The following CLSTN2 variants were observed in gnomAD, a reference collection of about 807,000 sequenced individuals.
CLSTN2 encodes the protein calsyntenin 2, also known as calsyntenin-2.
In CLSTN2, 48 loss-of-function variants were observed where a neutral mutation model predicts 101.2. The observed-to-expected ratio is 0.47, with a 90% CI of 0.38 to 0.60. The LOEUF (loss-of-function observed/expected upper bound fraction) is 0.60, where lower values mean the gene tolerates loss of function less well. Among genes scored for constraint, CLSTN2 ranks in the 20% least tolerant of loss-of-function variants. The probability of loss-of-function intolerance (pLI) is 0.00; values close to 1 mark genes in which losing one functional copy is unlikely to be tolerated. For missense variants in CLSTN2, 1,160 were observed against 1,238.2 expected, an observed-to-expected ratio of 0.94 and a Z score of 0.95; for synonymous variants, 481 against 463.6, an observed-to-expected ratio of 1.04 and a Z score of -0.48.
At chr3:139,988,919 C>T (rs528802114) in intron 1 of CLSTN2, among the ~76,000 whole-genome samples, 5 of 152,150 alleles carry the variant, frequency 3.3e-5, no homozygotes, top group South Asian at 4.2e-4. Flanking sequence ...CCCAGTAAGC[C>T]GAAGGACAGA....
intron 4 of CLSTN2, among the ~76,000 whole-genome samples, chr3:140,411,440 A>G (rs1323409349): frequency 6.6e-6 from 1 of 152,280 alleles, no homozygotes; most frequent in Non-Finnish European, 1.5e-5. Context: ...AAATATGAAC[A>G]AATCTGAAGG....
At chr3:140,107,084 G>T (rs965556692) in intron 1 of CLSTN2, among the ~76,000 whole-genome samples, 1 of 152,130 alleles carries the variant, frequency 6.6e-6, no homozygotes, top group African/African-American at 2.4e-5. Context: ...GTGAATGCTG[G>T]TACAGCTGAA....
At chr3:140,405,506 C>T (rs931653788) in intron 4 of CLSTN2, among the ~76,000 whole-genome samples, 36 of 152,254 alleles carry the variant, frequency 2.4e-4, no homozygotes, top group Non-Finnish European at 2.6e-4. Flanking sequence ...GGATTACAGG[C>T]GTGAGCCACT....
chr3:140,033,727 T>G (rs2007603063), intron 1 of CLSTN2, among the ~76,000 whole-genome samples: 1 of 152,238 alleles, frequency 6.6e-6, no homozygotes. Context: ...GAAATTGTGC[T>G]TTATGTAAGT....
chr3:139,995,654 G>A (rs1936190327), intron 1 of CLSTN2, among the ~76,000 whole-genome samples: 1 of 152,146 alleles, frequency 6.6e-6, no homozygotes, highest in African/African-American at 2.4e-5. Flanking sequence ...GTCTTGGCAG[G>A]TCCATTGTTG....
intron 2 of CLSTN2, among the ~76,000 whole-genome samples, chr3:140,394,221 T>TAGG (rs35521290): frequency 0.7 from 106,992 of 151,804 alleles, 39,170 homozygotes; most frequent in Non-Finnish European, 0.81. Context: ...ATGATGACCA[T>TAGG]AGGACAATGG....
At chr3:140,194,892 C>G (rs1365394122) in intron 2 of CLSTN2, among the ~76,000 whole-genome samples, 2 of 152,234 alleles carry the variant, frequency 1.3e-5, no homozygotes, top group Admixed American at 6.5e-5. Context: ...TCTGATACAA[C>G]CCCAGTGGGG....
At chr3:140,254,553 C>G (rs982053918) in intron 2 of CLSTN2, among the ~76,000 whole-genome samples, 1 of 152,132 alleles carries the variant, frequency 6.6e-6, no homozygotes, top group Non-Finnish European at 1.5e-5. Flanking sequence ...GTCCTCATCT[C>G]TGTCATCTCT....
At chr3:140,025,645 G>T (rs1331284677) in intron 1 of CLSTN2, among the ~76,000 whole-genome samples, 2 of 152,184 alleles carry the variant, frequency 1.3e-5, no homozygotes, top group African/African-American at 4.8e-5. Flanking sequence ...AGAGGAGAGA[G>T]AGAGATGACA....
At chr3:140,414,004 A>G (rs1357714955) in intron 4 of CLSTN2, among the ~76,000 whole-genome samples, 34 of 152,082 alleles carry the variant, frequency 2.2e-4, no homozygotes, top group Non-Finnish European at 1.5e-5. Context: ...AAAGATGCTC[A>G]CTCTTGACAC....
chr3:139,952,548 G>T (rs139742799), intron 1 of CLSTN2, among the ~76,000 whole-genome samples: 2 of 152,256 alleles, frequency 1.3e-5, no homozygotes, highest in Non-Finnish European at 2.9e-5. Context: ...TTGCTGAAAT[G>T]GTTGAGCTTA....
rs2009958213 is a variant in CLSTN2, at chr3:140,156,629, A to C, written c.110-19322A>C. Among the ~76,000 whole-genome samples the C allele has an allele frequency of 1.3e-5, 2 of 152,154 alleles. 1 individual carries two copies. The highest frequency in any genetic ancestry group is 1.3e-4 in the Admixed American group (2 of 15,274). On this transcript the variant is annotated intron_variant, in intron 1 of 16. Transcript: ENST00000458420. ...TCTGAGCCAGTGACTGAGTGTGGGGATACTGAGGCATACTAAAGCAGACCT... is the reference window on the plus strand; with the variant it reads ...TCTGAGCCAGTGACTGAGTGTGGGGCTACTGAGGCATACTAAAGCAGACCT...
At chr3:140,282,144 C>T (rs1219672682) in intron 2 of CLSTN2, among the ~76,000 whole-genome samples, 1 of 152,184 alleles carries the variant, frequency 6.6e-6, no homozygotes, top group Non-Finnish European at 1.5e-5. Context: ...TCTGCTTACA[C>T]TGCTTACATG....
intron 2 of CLSTN2, among the ~76,000 whole-genome samples, chr3:140,392,996 T>C (rs1015010371): frequency 2.0e-5 from 3 of 152,106 alleles, no homozygotes. Context: ...CATTCAAGTC[T>C]CTTTTCTTCT....
chr3:140,503,777 G>T lies in CLSTN2; in HGVS notation c.1345-28547G>T, dbSNP rs1427434887. On this transcript the variant is annotated intron_variant, in intron 8 of 16. Transcript: ENST00000458420. ...CAACAGTTAAAGACAGCAGAAAAAAGAATTTTTCTTGATTCGGCTATAGCC... is the reference window on the plus strand; with the variant it reads ...CAACAGTTAAAGACAGCAGAAAAAATAATTTTTCTTGATTCGGCTATAGCC... Among the ~76,000 whole-genome samples, 4 of 152,222 alleles carry T rather than the reference G, an allele frequency of 2.6e-5. No homozygotes were observed. The East Asian group carries it at 5.8e-4, about 22-fold the overall frequency.
intron 2 of CLSTN2, among the ~76,000 whole-genome samples, chr3:140,253,319 C>T (rs72990139): frequency 0.031 from 4,693 of 152,138 alleles, 153 homozygotes; most frequent in African/African-American, 0.074. Flanking sequence ...TCCATGGCTC[C>T]GAAGGTGGAC....
At position 140,020,650 on chromosome 3, in the gene CLSTN2, C is replaced by T. The variant is rs1284166088; in HGVS notation, c.109+85167C>T. 2.6e-5 allele frequency among the ~76,000 whole-genome samples: 4 copies of T among 152,202 alleles called. No individual in the cohort carries two copies. The East Asian group carries it at 7.7e-4, about 29-fold the overall frequency. ...AATGCAAGGCCAGACAGGCTCTGGG[C>T]TCTCTGGTCTGACCACTAATAGCAT... On this transcript the variant is annotated intron_variant, in intron 1 of 16. Coordinates refer to ENST00000458420, the MANE Select transcript of CLSTN2 (RefSeq NM_022131.3).
At chr3:140,144,525 A>G (rs1416981060) in intron 1 of CLSTN2, among the ~76,000 whole-genome samples, 1 of 152,128 alleles carries the variant, frequency 6.6e-6, no homozygotes, top group African/African-American at 2.4e-5. Context: ...TGAGGCAGAG[A>G]GAATTGCTTG....
chr3:140,219,627 T>C lies in CLSTN2; in HGVS notation c.232+43554T>C, dbSNP rs2086248845. Among the ~76,000 whole-genome samples the C allele has an allele frequency of 3.3e-5, 5 of 152,194 alleles. No homozygotes were observed. The South Asian group carries it at 1.0e-3, about 32-fold the overall frequency. ...ATACAGTGGGAGGCCTCCTCTCCAC[T>C]GCCACCCTCCCTCAGTGATTGCGCC... On this transcript the variant is annotated intron_variant, in intron 2 of 16. Coordinates refer to ENST00000458420, the MANE Select transcript of CLSTN2 (RefSeq NM_022131.3).
Sources: gnomAD v4.1 joint callset for allele counts (sites outside exome capture counted in the v4.1 genomes callset) on GRCh38, gnomAD v4.1.1 for gene constraint, MANE v1.5 for transcripts, NCBI Gene and HGNC (gene_info 2026-07-23, HGNC 2026-07-21) for gene names.